The following RASD2 variants were observed in gnomAD, a reference collection of about 807,000 sequenced individuals.
The protein encoded by RASD2 is RASD family member 2.
A neutral mutation model predicts 15.8 loss-of-function variants in RASD2; 7 were observed. The observed-to-expected ratio is 0.44, with a 90% CI of 0.25 to 0.83. RASD2 has a LOEUF of 0.83. Among genes scored for constraint, RASD2 ranks in the 40% least tolerant of loss-of-function variants. The pLI is 0.20. For synonymous variants in RASD2, 155 were observed against 153.6 expected (o/e 1.01, Z -0.07); for missense variants, 274 against 382.8 (o/e 0.72, Z 2.37).
chr22:35,540,519 GCGCGGCTCGCGGGGGGC>G (rs1934318038), upstream of RASD2, among the ~76,000 whole-genome samples: 1 of 151,056 alleles, frequency 6.6e-6, no homozygotes, highest in South Asian at 2.1e-4. Flanking sequence ...GCGGCGGGAG[GCGCGGCTCGCGGGGGGC>G]CGAAGGAGCA....
intron 2 of RASD2, among the ~76,000 whole-genome samples, chr22:35,549,158 C>T (rs1934593549): frequency 6.6e-6 from 1 of 152,280 alleles, no homozygotes; most frequent in African/African-American, 2.4e-5. Flanking sequence ...CAGGCTCCTG[C>T]CCCTGCCCCG....
At chr22:35,550,167 G>T (rs1161478250) in intron 2 of RASD2, among the ~76,000 whole-genome samples, 1 of 152,158 alleles carries the variant, frequency 6.6e-6, no homozygotes, top group Non-Finnish European at 1.5e-5. Flanking sequence ...GGAGGCTGAG[G>T]CAGGAGAATC....
chr22:35,551,658 G>C lies in RASD2; in HGVS notation c.427G>C (p.Asp143His). The change falls in exon 3 of 3, where the codon GAC (aspartate) becomes CAC (histidine). Residue 143 changes from aspartate (D) to histidine (H), a missense_variant. By Grantham distance (81) the Asp-to-His change is moderately conservative (BLOSUM62 -1). Coordinates refer to ENST00000216127, the MANE Select transcript of RASD2 (RefSeq NM_014310.4). The surrounding 1 kb of genome is among the most constrained non-coding windows in gnomAD (Gnocchi z 4.9). ...LPMVICGNKN[D>H]HGELCRQVPT... Reference sequence around the variant, plus strand: ...CATGGTCATCTGTGGCAACAAGAACGACCACGGCGAGCTGTGCCGCCAGGT... The same window carrying C: ...CATGGTCATCTGTGGCAACAAGAACCACCACGGCGAGCTGTGCCGCCAGGT... 1 of 1,614,100 alleles carries C rather than the reference G, an allele frequency of 6.2e-7. No individual in the cohort carries two copies. Among genetic ancestry groups the C allele is most frequent in the Non-Finnish European group, 8.5e-7 (1 of 1,179,976 alleles).
the RASD2 span, among the ~76,000 whole-genome samples, chr22:35,535,158 C>T: frequency 6.6e-6 from 1 of 152,152 alleles, no homozygotes; most frequent in Admixed American, 6.5e-5. Flanking sequence ...AATTTCAACA[C>T]ATTGGGAGGC....
At position 35,541,300 on chromosome 22, in the gene RASD2, C is replaced by G. The variant is rs556063939; in HGVS notation, c.-210C>G. The stretch of plus-strand genomic sequence containing the variant: ...GCCCTCGGAGCCCACCCATGGGGCA[C>G]CTGCCCCTTGCGCCTCCTTGCCCGG... On this transcript the variant is annotated 5_prime_UTR_variant, in exon 1 of 3. Transcript: ENST00000216127. 6.6e-6 allele frequency: 1 copy of G among 152,030 alleles called. No homozygotes were observed. Among genetic ancestry groups the G allele is most frequent in the East Asian group, 1.9e-4 (1 of 5,144 alleles). The allele number at this position is 152,030 out of a possible 1,614,324, so 9.4% of individuals were successfully genotyped here.
Position 35,547,191 on chromosome 22 carries a change from C to T in RASD2, c.271+111C>T, listed in dbSNP as rs145602798. ...TTGCATAGCCATCGTCTGAGACAGG[C>T]GTCATCCCTGCACAATGAGGCTCAG... is the stretch of plus-strand genomic sequence containing the variant. On this transcript the variant is annotated intron_variant, in intron 2 of 2. Transcript: ENST00000216127. 291 of 1,308,298 alleles carry T rather than the reference C, an allele frequency of 2.2e-4. 1 individual carries two copies. Among genetic ancestry groups the T allele is most frequent in the Middle Eastern group, 1.2e-3 (5 of 4,332 alleles). The allele number at this position is 1,308,298 out of a possible 1,614,324, so 81.0% of individuals were successfully genotyped here.
At chr22:35,546,590 G>A (rs1934508086) in intron 1 of RASD2, among the ~76,000 whole-genome samples, 1 of 152,148 alleles carries the variant, frequency 6.6e-6, no homozygotes, top group East Asian at 1.9e-4. Context: ...TGAATGAACG[G>A]ATATTGAGTG....
intron 2 of RASD2, among the ~76,000 whole-genome samples, chr22:35,549,718 C>T (rs545796991): frequency 6.6e-6 from 1 of 152,186 alleles, no homozygotes; most frequent in African/African-American, 2.4e-5. Context: ...GGTGATGGAA[C>T]CCTTCTCTGT....
At position 35,552,012 on chromosome 22, in the gene RASD2, G is replaced by C. The variant is rs538389403; in HGVS notation, c.781G>C (p.Asp261His). The C allele has an allele frequency of 1.9e-6, 3 of 1,599,022 alleles. No individual in the cohort carries two copies. In the South Asian group the frequency reaches 3.3e-5, roughly 18 times the overall value. ...TCGGGAAGGCCAGGCCCGTGAGAGG[G>C]ACAAGTGCACCATCCAGTGAGCGAG... ...VLREGQARERDKCTIQ is the reference protein window; with the variant it reads ...VLREGQARERHKCTIQ The change falls in exon 3 of 3, where the codon GAC becomes CAC. Residue 261 changes from aspartate (D) to histidine (H), a missense_variant. Transcript: ENST00000216127.
Position 35,551,456 on chromosome 22 carries a change from G to A in RASD2, c.272-47G>A, listed in dbSNP as rs1198294101. On this transcript the variant is annotated intron_variant, in intron 2 of 2. Transcript: ENST00000216127. The surrounding 1 kb of genome is among the most constrained non-coding windows in gnomAD (Gnocchi z 4.9). ...TGTTCTGTGGCCAGAGGAGGGCAGG[G>A]GTTGCAGCTGGCCGGTGAACTCACT... 15 of 1,573,398 alleles carry A rather than the reference G, an allele frequency of 9.5e-6. No homozygotes were observed. The Admixed American group carries it at 2.6e-4, about 27-fold the overall frequency.
intron 1 of RASD2, among the ~76,000 whole-genome samples, chr22:35,544,309 C>T (rs969606998): frequency 1.3e-4 from 20 of 152,138 alleles, no homozygotes; most frequent in Admixed American, 5.2e-4. Flanking sequence ...GAGACAGCCC[C>T]GGCAGAGACT....
chr22:35,545,630 G>A (rs927354846), intron 1 of RASD2, among the ~76,000 whole-genome samples: 3 of 152,184 alleles, frequency 2.0e-5, no homozygotes, highest in Non-Finnish European at 2.9e-5. Context: ...TCTGGAGAGG[G>A]GAGGGATTCC....
chr22:35,535,416 A>AG, the RASD2 span, among the ~76,000 whole-genome samples: 27 of 149,842 alleles, frequency 1.8e-4, no homozygotes, highest in Admixed American at 8.7e-4. Context: ...AAAAAAAAAG[A>AG]AAAAAAAAAG....
In RASD2 at chr22:35,551,855, C is replaced by A; in HGVS notation, c.624C>A (p.Tyr208Ter). The A allele has an allele frequency of 6.2e-7, 1 of 1,614,054 alleles. No individual in the cohort carries two copies. Among genetic ancestry groups the A allele is most frequent in the South Asian group, 1.1e-5 (1 of 91,074 alleles). The change falls in exon 3 of 3, where the codon TAC becomes TAA. Residue 208 changes from tyrosine (Y) to a stop codon, truncating the protein, a stop_gained. Transcript: ENST00000216127. LOFTEE classifies it high-confidence loss of function. This position sits in a 1 kb window ranked among gnomAD's most constrained non-coding sequence, Gnocchi z 4.9. ...PALHRKISVQYGDAFHPRPFC... is the reference protein window; with the variant it reads ...PALHRKISVQ ...TGCATCGCAAGATCTCCGTGCAGTA[C>A]GGTGACGCCTTCCACCCCAGGCCCT... is the stretch of plus-strand genomic sequence containing the variant.
rs1490180115 is a variant in RASD2 at position 35,552,052 on chromosome 22, G to A, written c.*20G>A. 5.1e-6 allele frequency: 8 copies of A among 1,583,568 alleles called. No individual in the cohort carries two copies. In the South Asian group the frequency reaches 6.7e-5, roughly 13 times the overall value. ...CAGTGAGCGAGGGATGCTGGGGCGG[G>A]GCTTGGCCAGTGCCTTCAGGGAGGT... On this transcript the variant is annotated 3_prime_UTR_variant, in exon 3 of 3. Transcript: ENST00000216127.
At chr22:35,533,290 T>C in the RASD2 span, among the ~76,000 whole-genome samples, 1 of 152,176 alleles carries the variant, frequency 6.6e-6, no homozygotes, top group South Asian at 2.1e-4. Flanking sequence ...TCAAATGTGA[T>C]AGAGGATGGA....
At chr22:35,550,733 A>G (rs1428191690) in intron 2 of RASD2, among the ~76,000 whole-genome samples, 1 of 152,234 alleles carries the variant, frequency 6.6e-6, no homozygotes, top group Non-Finnish European at 1.5e-5. Context: ...AATCAGGTAG[A>G]AATCTCAGCC....
chr22:35,536,885 T>TA (rs1934254254), upstream of RASD2, among the ~76,000 whole-genome samples: 1 of 152,198 alleles, frequency 6.6e-6, no homozygotes, highest in Non-Finnish European at 1.5e-5. Flanking sequence ...ATTACTGCTC[T>TA]AGCAACCCTG....
At chr22:35,541,859 A>G (rs1005722073) in intron 1 of RASD2, among the ~76,000 whole-genome samples, 2 of 152,212 alleles carry the variant, frequency 1.3e-5, no homozygotes, top group Non-Finnish European at 2.9e-5. Flanking sequence ...AGGGAAGACG[A>G]GTCAACTACC....
Sources: gnomAD v4.1 joint callset for allele counts (sites outside exome capture counted in the v4.1 genomes callset) on GRCh38, gnomAD v4.1.1 for gene constraint, Gnocchi (gnomAD v3.1) non-coding constraint, MANE v1.5 for transcripts, NCBI Gene and HGNC (gene_info 2026-07-23, HGNC 2026-07-21) for gene names.